The following HAPSTR1 variants were observed in gnomAD, a reference collection of about 807,000 sequenced individuals.
HAPSTR1 encodes HUWE1 associated protein modifying stress responses.
At chr16:9,100,944 T>G in the HAPSTR1 span, among the ~76,000 whole-genome samples, 1 of 152,232 alleles carries the variant, frequency 6.6e-6, no homozygotes, top group African/African-American at 2.4e-5. Context: ...TACCTCCATT[T>G]GGCTTTTGAA....
chr16:9,094,275 C>A, the HAPSTR1 span, among the ~76,000 whole-genome samples: 1 of 152,100 alleles, frequency 6.6e-6, no homozygotes, highest in Non-Finnish European at 1.5e-5. Flanking sequence ...AATAGTGCCT[C>A]AGTGGTTAGC....
the HAPSTR1 span, among the ~76,000 whole-genome samples, chr16:9,097,480 ACCTGCCTCAG>A: frequency 6.6e-6 from 1 of 151,844 alleles, no homozygotes; most frequent in African/African-American, 2.4e-5. Context: ...CAGGCGATCC[ACCTGCCTCAG>A]CCTGCCAAAG....
the HAPSTR1 span, chr16:9,112,857 G>T: frequency 6.6e-6 from 1 of 152,058 alleles, no homozygotes; most frequent in Non-Finnish European, 1.5e-5. Flanking sequence ...CTTTAAAACT[G>T]CTGAGTTTAT....
the HAPSTR1 span, among the ~76,000 whole-genome samples, chr16:9,098,389 G>T: frequency 6.6e-6 from 1 of 152,192 alleles, no homozygotes; most frequent in Non-Finnish European, 1.5e-5. Context: ...TGTGTGCTAG[G>T]TGAAGATTAA....
At chr16:9,093,031 C>A in the HAPSTR1 span, 17 of 1,583,874 alleles carry the variant, frequency 1.1e-5, no homozygotes, top group Non-Finnish European at 1.3e-5. Flanking sequence ...ATTGCCGATT[C>A]AGGGAAGGGC....
At chr16:9,092,156 C>T in the HAPSTR1 span, 1,212 of 1,564,232 alleles carry the variant, frequency 7.7e-4, 17 homozygotes, top group East Asian at 0.026. Context: ...GGACGAGCAG[C>T]TGCCCCCCGA....
the HAPSTR1 span, chr16:9,092,356 G>T: frequency 8.5e-7 from 1 of 1,179,702 alleles, no homozygotes; most frequent in Non-Finnish European, 1.1e-6. Flanking sequence ...GGCCGCTTCG[G>T]GGGGCCGCGA....
chr16:9,092,330 G>T, the HAPSTR1 span: 4,696 of 1,301,842 alleles, frequency 3.6e-3, 5 homozygotes, highest in Non-Finnish European at 4.2e-3. Context: ...CCCGGCCCCG[G>T]CCCTATCGGC....
the HAPSTR1 span, chr16:9,105,010 C>T: frequency 6.6e-6 from 1 of 152,104 alleles, no homozygotes; most frequent in African/African-American, 2.4e-5. Context: ...AACATAAAAA[C>T]CATGCTTGTT....
At chr16:9,093,924 C>T in the HAPSTR1 span, among the ~76,000 whole-genome samples, 1 of 151,478 alleles carries the variant, frequency 6.6e-6, no homozygotes, top group Admixed American at 6.6e-5. Context: ...TGTTTTCAGA[C>T]TTTTAAAAGT....
chr16:9,092,231 T>G, the HAPSTR1 span: 1 of 1,584,346 alleles, frequency 6.3e-7, no homozygotes, highest in South Asian at 1.1e-5. Flanking sequence ...GTGGCACCTC[T>G]TCCAGAACTC....
At chr16:9,092,788 C>G in the HAPSTR1 span, 75 of 990,242 alleles carry the variant, frequency 7.6e-5, 1 homozygote, top group Non-Finnish European at 1.1e-4. Context: ...AACCCCTGAA[C>G]AAAATGGCGA....
the HAPSTR1 span, among the ~76,000 whole-genome samples, chr16:9,095,202 A>G: frequency 6.6e-6 from 1 of 152,288 alleles, no homozygotes; most frequent in South Asian, 2.1e-4. Flanking sequence ...GTGGAATTTG[A>G]TAGTGCAACG....
chr16:9,113,553 C>T, the HAPSTR1 span, among the ~76,000 whole-genome samples: 1 of 152,094 alleles, frequency 6.6e-6, no homozygotes, highest in East Asian at 1.9e-4. Context: ...CCTATGTTAA[C>T]AAGGGCATTA....
chr16:9,114,681 C>G, the HAPSTR1 span, among the ~76,000 whole-genome samples: 1 of 152,106 alleles, frequency 6.6e-6, no homozygotes, highest in African/African-American at 2.4e-5. Flanking sequence ...CTAGGACCAA[C>G]CTGAAGCCAC....
At chr16:9,111,207 ATTC>A in the HAPSTR1 span, 1 of 152,250 alleles carries the variant, frequency 6.6e-6, no homozygotes, top group African/African-American at 2.4e-5. Context: ...AACACAGTAG[ATTC>A]TTAAGGAATG....
At chr16:9,092,006 C>G in the HAPSTR1 span, 1 of 1,463,436 alleles carries the variant, frequency 6.8e-7, no homozygotes, top group African/African-American at 1.5e-5. Context: ...GAGGAGGACG[C>G]GGCGGCGGTG....
the HAPSTR1 span, chr16:9,092,906 T>G: frequency 2.6e-6 from 4 of 1,551,796 alleles, no homozygotes; most frequent in African/African-American, 4.2e-5. Flanking sequence ...TTTTTTTTTT[T>G]GGCTTGCTTT....
the HAPSTR1 span, among the ~76,000 whole-genome samples, chr16:9,115,431 G>A: frequency 6.6e-6 from 1 of 152,174 alleles, no homozygotes; most frequent in Admixed American, 6.5e-5. Flanking sequence ...TAAGGCAGAA[G>A]ATCACTGCCA....
Sources: gnomAD v4.1 joint callset for allele counts (sites outside exome capture counted in the v4.1 genomes callset) on GRCh38, gnomAD v4.1.1 for gene constraint, MANE v1.5 for transcripts, NCBI Gene and HGNC (gene_info 2026-07-23, HGNC 2026-07-21) for gene names.